The following NAALADL2 variants were observed in gnomAD, a reference collection of about 807,000 sequenced individuals.
The protein encoded by NAALADL2 is N-acetylated alpha-linked acidic dipeptidase like 2, also known as inactive N-acetylated-alpha-linked acidic dipeptidase-like protein 2.
A neutral mutation model predicts 87.2 loss-of-function variants in NAALADL2; 76 were observed. The observed-to-expected ratio is 0.87, with a 90% CI of 0.72 to 1.05. The LOEUF is 1.05. Among genes scored for constraint, NAALADL2 ranks in the 50% least tolerant of loss-of-function variants. The pLI, the probability that NAALADL2 is intolerant of heterozygous loss-of-function variation, is 0.00. For missense variants in NAALADL2, 1,089 were observed against 945.8 expected, an observed-to-expected ratio of 1.15 and a Z score of -1.99; for synonymous variants, 354 against 331.0, an observed-to-expected ratio of 1.07 and a Z score of -0.75.
chr3:175,609,000 T>A (rs1380670124), intron 10 of NAALADL2, among the ~76,000 whole-genome samples: 17 of 148,452 alleles, frequency 1.1e-4, no homozygotes. Context: ...AGTGTGATTT[T>A]TTTTTTTTTT....
At chr3:175,710,781 G>A (rs897135851) in intron 11 of NAALADL2, among the ~76,000 whole-genome samples, 16 of 151,616 alleles carry the variant, frequency 1.1e-4, no homozygotes, top group African/African-American at 3.9e-4. Context: ...ATATTCATAT[G>A]CATTCTTTTG....
At chr3:175,569,345 C>T (rs938140977) in intron 9 of NAALADL2, among the ~76,000 whole-genome samples, 2 of 152,170 alleles carry the variant, frequency 1.3e-5, no homozygotes, top group African/African-American at 4.8e-5. Context: ...TAATTTTTCA[C>T]TAGTTCTAAT....
At chr3:175,326,829 T>C (rs1443419252) in intron 5 of NAALADL2, among the ~76,000 whole-genome samples, 2 of 152,354 alleles carry the variant, frequency 1.3e-5, no homozygotes, top group South Asian at 2.1e-4. Context: ...GAATACTTCA[T>C]GATCCAATCG....
At chr3:174,843,729 A>C (rs1205322890) in intron 3 of NAALADL2, among the ~76,000 whole-genome samples, 4 of 152,020 alleles carry the variant, frequency 2.6e-5, no homozygotes, top group African/African-American at 4.8e-5. Context: ...TTCTAACTAG[A>C]GTCAGGTGTT....
At chr3:174,672,413 G>T (rs772118273) in intron 2 of NAALADL2, among the ~76,000 whole-genome samples, 2 of 151,882 alleles carry the variant, frequency 1.3e-5, no homozygotes, top group South Asian at 4.1e-4. Context: ...GCCTATTATG[G>T]GGTCAGGCTC....
chr3:175,037,824 C>A (rs1326750394), intron 1 of NAALADL2, among the ~76,000 whole-genome samples: 1 of 152,202 alleles, frequency 6.6e-6, no homozygotes, highest in African/African-American at 2.4e-5. Context: ...GATGAGCAGG[C>A]CACGGTATCC....
chr3:174,796,329 T>C (rs1718080789), intron 3 of NAALADL2, among the ~76,000 whole-genome samples: 1 of 152,220 alleles, frequency 6.6e-6, no homozygotes, highest in African/African-American at 2.4e-5. Context: ...CTGAATAATG[T>C]ACATTATACC....
At chr3:175,263,692 T>C (rs1052539012) in intron 4 of NAALADL2, among the ~76,000 whole-genome samples, 2 of 151,686 alleles carry the variant, frequency 1.3e-5, no homozygotes, top group Non-Finnish European at 3.0e-5. Flanking sequence ...TTAAATGTTA[T>C]AAATTAAACA....
At chr3:174,641,250 G>A (rs913822048) in intron 2 of NAALADL2, among the ~76,000 whole-genome samples, 6 of 152,144 alleles carry the variant, frequency 3.9e-5, no homozygotes, top group African/African-American at 1.2e-4. Context: ...CGCGGGCCTC[G>A]GTTGAGATCC....
chr3:175,251,108 A>T (rs913102219), intron 3 of NAALADL2, among the ~76,000 whole-genome samples: 2 of 152,192 alleles, frequency 1.3e-5, no homozygotes, highest in African/African-American at 4.8e-5. Context: ...AAAACCATAG[A>T]ACCACTGATA....
intron 1 of NAALADL2, among the ~76,000 whole-genome samples, chr3:175,072,559 G>A (rs958590174): frequency 4.6e-5 from 7 of 151,362 alleles, no homozygotes; most frequent in Non-Finnish European, 8.8e-5. Context: ...ACTTAAAATG[G>A]AGGGTGGCTT....
At chr3:174,887,801 A>C (rs575463955) in intron 1 of NAALADL2, among the ~76,000 whole-genome samples, 42 of 151,324 alleles carry the variant, frequency 2.8e-4, no homozygotes, top group Non-Finnish European at 5.3e-4. Flanking sequence ...GTCTCAAAAA[A>C]ATTATTTTTG....
At chr3:175,358,942 G>A (rs1764685392) in intron 5 of NAALADL2, among the ~76,000 whole-genome samples, 1 of 152,122 alleles carries the variant, frequency 6.6e-6, no homozygotes, top group Admixed American at 6.6e-5. Flanking sequence ...AGGAAGAATG[G>A]AAAGGACTGT....
chr3:175,040,698 A>G (rs1753967414), intron 1 of NAALADL2, among the ~76,000 whole-genome samples: 1 of 152,200 alleles, frequency 6.6e-6, no homozygotes, highest in Non-Finnish European at 1.5e-5. Flanking sequence ...GTGTTTTGTA[A>G]ACTATGAACT....
intron 9 of NAALADL2, among the ~76,000 whole-genome samples, chr3:175,542,255 C>T (rs1166476975): frequency 1.3e-5 from 2 of 152,098 alleles, no homozygotes; most frequent in Non-Finnish European, 2.9e-5. Context: ...AGTTTCTAGA[C>T]ACAGGAAGAT....
chr3:175,183,832 G>A (rs1413597427), intron 2 of NAALADL2, among the ~76,000 whole-genome samples: 4 of 151,978 alleles, frequency 2.6e-5, no homozygotes, highest in African/African-American at 7.3e-5. Flanking sequence ...TAGAGTTTGA[G>A]TCCTATTATT....
At chr3:175,256,225 G>A (rs1749913948) in intron 3 of NAALADL2, among the ~76,000 whole-genome samples, 186 bp from the exon 4 acceptor site, 1 of 152,168 alleles carries the variant, frequency 6.6e-6, no homozygotes, top group Non-Finnish European at 1.5e-5. Context: ...GTGCCCAGAA[G>A]AATTGCTGTA....
intron 2 of NAALADL2, among the ~76,000 whole-genome samples, chr3:174,560,111 G>T (rs1713402508): frequency 1.3e-5 from 2 of 152,124 alleles, no homozygotes; most frequent in African/African-American, 4.8e-5. Context: ...GATCAATGAG[G>T]TTCTTTTTAA....
intron 4 of NAALADL2, among the ~76,000 whole-genome samples, chr3:175,320,781 A>C (rs1759752735): frequency 6.6e-6 from 1 of 152,038 alleles, no homozygotes; most frequent in African/African-American, 2.4e-5. Context: ...CCAAGACTAA[A>C]CCAGGAAGAA....
Sources: allele counts gnomAD v4.1 joint callset (sites outside exome capture counted in the v4.1 genomes callset), GRCh38; gene constraint gnomAD v4.1.1; transcripts MANE v1.5; gene names NCBI Gene and HGNC (gene_info 2026-07-23, HGNC 2026-07-21).